SEC16A: variants seen among roughly 807,000 people sequenced by gnomAD.
The protein encoded by SEC16A is SEC16 homolog A, endoplasmic reticulum export factor, also known as protein transport protein Sec16A.
Under a neutral mutation model 221.9 loss-of-function variants are expected in SEC16A, and 110 were observed. The observed-to-expected ratio is 0.50, with a 90% CI of 0.42 to 0.58. SEC16A has a LOEUF of 0.58. Ranked by LOEUF, SEC16A falls within the 20% of genes least tolerant of loss-of-function variation. The pLI, the probability that SEC16A is intolerant of heterozygous loss-of-function variation, is 0.00. For missense variants in SEC16A, 3,165 were observed against 3,097.8 expected (o/e 1.02, Z -0.52); for synonymous variants, 1,393 against 1,257.7 (o/e 1.11, Z -2.28).
chr9:136,451,458 C>G (rs768215569), intron 22 of SEC16A, 50 bp from the exon 23 acceptor site: 1 of 1,531,288 alleles, frequency 6.5e-7, no homozygotes, highest in East Asian at 2.3e-5. Context: ...CTCACAGGAA[C>G]CGAAAGAGAG....
intron 13 of SEC16A, among the ~76,000 whole-genome samples, chr9:136,460,448 C>G (rs1839324935): frequency 6.6e-6 from 1 of 151,896 alleles, no homozygotes; most frequent in South Asian, 2.1e-4. Flanking sequence ...GAGCAAGACT[C>G]TGTCTCAAAA....
chr9:136,443,991 AT>A, intron 30 of SEC16A, 91 bp from the exon 31 acceptor site: 1 of 815,828 alleles, frequency 1.2e-6, no homozygotes, highest in Non-Finnish European at 1.9e-6. Context: ...TCTGGGTGGG[AT>A]TTACAGTACT....
rs371425476 is a variant in SEC16A, at chr9:136,476,698, G to A, written c.918C>T (p.Pro306=). Residue 306 remains proline (P), a synonymous_variant, in exon 3 of 32, where the codon CCC becomes CCT. Transcript: ENST00000684901. ...GGCTTGCCCAGTGATTCACAATTCTGGGATTTTGCCTGAATGTACTTTCAG... is the reference window on the plus strand; with the variant it reads ...GGCTTGCCCAGTGATTCACAATTCTAGGATTTTGCCTGAATGTACTTTCAG... ...SDPESTFRQN[P]RIVNHWASPE... 185 of 1,578,842 alleles carry A rather than the reference G, an allele frequency of 1.2e-4. 1 individual carries two copies. In the Middle Eastern group the frequency reaches 2.0e-3, roughly 17 times the overall value.
chr9:136,449,531 A>C (rs530945478), intron 23 of SEC16A, among the ~76,000 whole-genome samples: 1 of 152,262 alleles, frequency 6.6e-6, no homozygotes, highest in Non-Finnish European at 1.5e-5. Context: ...GACAGGCGTG[A>C]GCCGCCGCAC....
chr9:136,442,144 G>C (rs1264015629), intron 31 of SEC16A, among the ~76,000 whole-genome samples: 1 of 152,224 alleles, frequency 6.6e-6, no homozygotes. Context: ...CCAGGGACAA[G>C]TGGTGGCCAG....
In SEC16A at chr9:136,477,234, A is replaced by G. The variant is rs373239822; in HGVS notation, c.382T>C (p.Leu128=). 36 of 1,613,922 alleles carry G rather than the reference A, an allele frequency of 2.2e-5. No homozygotes were observed. Among genetic ancestry groups the G allele is most frequent in the Middle Eastern group, 1.6e-4 (1 of 6,062 alleles). ...RAHASPFSGA[L]TPSAPPGPEM... is the part of the protein sequence containing the mutation. ...GGCCCAGGAGGTGCTGAAGGTGTCA[A>G]TGCACCAGAAAACGGACTGGCATGT... Residue 128 remains leucine, a synonymous_variant, in exon 3 of 32, where the codon TTG becomes CTG. Coordinates refer to ENST00000684901, the MANE Select transcript of SEC16A (RefSeq NM_014866.2).
chr9:136,443,949 CTGTCACTTCAAGT>C, intron 30 of SEC16A, 49 bp from the exon 31 acceptor site: 1 of 1,392,628 alleles, frequency 7.2e-7, no homozygotes, highest in Non-Finnish European at 9.9e-7. Flanking sequence ...TGCACAGCAG[CTGTCACTTCAAGT>C]GCAGATACAG....
chr9:136,457,959 T>A (rs554956472), intron 17 of SEC16A, among the ~76,000 whole-genome samples: 1 of 152,160 alleles, frequency 6.6e-6, no homozygotes, highest in Admixed American at 6.5e-5. Flanking sequence ...AGATACTTCA[T>A]TCTTTTTTAT....
chr9:136,482,006 A>AAAAAG (rs1842436460), intron 1 of SEC16A, among the ~76,000 whole-genome samples: 1 of 152,252 alleles, frequency 6.6e-6, no homozygotes, highest in African/African-American at 2.4e-5. Context: ...AAAAGAAAAA[A>AAAAAG]AAAGTGCCCA....
chr9:136,466,998 C>T lies in SEC16A; in HGVS notation c.3888G>A (p.Glu1296=). 1 of 1,613,918 alleles carries T rather than the reference C, an allele frequency of 6.2e-7. No homozygotes were observed. The highest frequency in any genetic ancestry group is 8.5e-7 in the Non-Finnish European group (1 of 1,179,870). ...TYDRRYWCDA[E]YDAYRREHSA... is the part of the protein sequence containing the mutation. ...AGTGCTCTCTCCTGTATGCGTCATA[C>T]TCTGCATCACACCAATACCTCCGGT... The change falls in exon 6 of 32, where the codon GAG becomes GAA. Residue 1296 remains glutamate (E), a synonymous_variant. Coordinates refer to ENST00000684901, the MANE Select transcript of SEC16A (RefSeq NM_014866.2). This position sits in a 1 kb window ranked among gnomAD's most constrained non-coding sequence, Gnocchi z 5.5.
rs936003087 is a variant in SEC16A, at chr9:136,473,512, G to T, written c.3567+537C>A. Reference sequence around the variant, plus strand: ...ACAGCCGGTCCCCGAGCCGCTGCCCGCACCACCACGTGCTGACAGCAGCTT... The same window carrying T: ...ACAGCCGGTCCCCGAGCCGCTGCCCTCACCACCACGTGCTGACAGCAGCTT... On this transcript the variant is annotated intron_variant, in intron 3 of 31. Transcript: ENST00000684901. 2.0e-5 allele frequency among the ~76,000 whole-genome samples: 3 copies of T among 152,242 alleles called. No homozygotes were observed. In the East Asian group the frequency reaches 5.8e-4, roughly 29 times the overall value.
rs1564506421 is a variant in SEC16A at position 136,466,137 on chromosome 9, C to T, written c.4129-1G>A. On this transcript the variant is annotated splice_acceptor_variant, in intron 7 of 31. Coordinates refer to ENST00000684901, the MANE Select transcript of SEC16A (RefSeq NM_014866.2). LOFTEE classifies it high-confidence loss of function. The surrounding 1 kb of genome is among the most constrained non-coding windows in gnomAD (Gnocchi z 5.5). The stretch of plus-strand genomic sequence containing the variant: ...CATTGTGGCTTCTGTAAATCTGACT[C>T]TTAGAAAACAAAGCAAACGGGCAAA... The T allele has an allele frequency of 6.3e-7, 1 of 1,587,008 alleles. No individual in the cohort carries two copies. Among genetic ancestry groups the T allele is most frequent in the Non-Finnish European group, 8.6e-7 (1 of 1,164,604 alleles).
intron 12 of SEC16A, among the ~76,000 whole-genome samples, chr9:136,462,183 GA>G (rs1415611575): frequency 6.6e-6 from 1 of 152,178 alleles, no homozygotes; most frequent in Non-Finnish European, 1.5e-5. Flanking sequence ...TAAAAGGACA[GA>G]AAACTCTCAG....
upstream of SEC16A, chr9:136,484,521 T>A: frequency 2.4e-6 from 3 of 1,274,478 alleles, no homozygotes; most frequent in African/African-American, 4.6e-5. Context: ...CTGCTGCTCC[T>A]TCCAGAGGGC....
At chr9:136,484,692 C>A (rs752649877), upstream of SEC16A, 2 of 1,366,490 alleles carry the variant, frequency 1.5e-6, no homozygotes, top group Admixed American at 3.8e-5. Flanking sequence ...GGGCCGCAGG[C>A]GGTGCAGGGA....
Position 136,445,657 on chromosome 9 carries a change from G to C in SEC16A, c.6855C>G (p.Ser2285=). 6.4e-7 allele frequency: 1 copy of C among 1,551,090 alleles called. No individual in the cohort carries two copies. The highest frequency in any genetic ancestry group is 1.2e-5 in the South Asian group (1 of 84,022). The change falls in exon 29 of 32, where the codon TCC becomes TCG. Residue 2285 remains serine, a synonymous_variant. Coordinates refer to ENST00000684901, the MANE Select transcript of SEC16A (RefSeq NM_014866.2). ...SELPSSRPEG[S]QGGELSRCSS... ...CGGCACTCCTTACCTCTCCTCCCTG[G>C]GAACCCTCAGGCCTGGAGGAGGGGA...
upstream of SEC16A, chr9:136,483,778 G>C: frequency 1.0e-6 from 1 of 985,488 alleles, no homozygotes. Context: ...GTTGGGCTGG[G>C]AGGCTGGAGG....
chr9:136,483,117 G>A, upstream of SEC16A: 1 of 690,982 alleles, frequency 1.4e-6, no homozygotes, highest in Non-Finnish European at 1.8e-6. Flanking sequence ...CCCTGGCCCC[G>A]CCCCTCGGCT....
At position 136,475,425 on chromosome 9, in the gene SEC16A, G is replaced by C. The variant is rs1295149862; in HGVS notation, c.2191C>G (p.Leu731Val). ...AGGACGTTGCCTCCAAAATCTGGCA[G>C]CTCACTTTGCGCCCACAGAGTCGTT... ...PATTLWAQSELPDFGGNVLLA... is the reference protein window; with the variant it reads ...PATTLWAQSEVPDFGGNVLLA... The change falls in exon 3 of 32, where the codon CTG (leucine) becomes GTG (valine). Residue 731 changes from leucine to valine, a missense_variant. Leu to Val is a conservative substitution (Grantham distance 32, BLOSUM62 1). Around this residue, in one of 3 missense-constraint regions of SEC16A, gnomAD observed 2,030 missense variants for 1,923.1 expected, o/e 1.06. Transcript: ENST00000684901. This position sits in a 1 kb window ranked among gnomAD's most constrained non-coding sequence, Gnocchi z 5.0. The C allele has an allele frequency of 6.2e-7, 1 of 1,610,770 alleles. No homozygotes were observed. Among genetic ancestry groups the C allele is most frequent in the Admixed American group, 1.7e-5 (1 of 59,716 alleles).
Sources: gnomAD v4.1 joint callset for allele counts (sites outside exome capture counted in the v4.1 genomes callset) on GRCh38, gnomAD v4.1.1 for gene constraint, gnomAD v4.1.1 regional missense constraint, Gnocchi (gnomAD v3.1) non-coding constraint, MANE v1.5 for transcripts, NCBI Gene and HGNC (gene_info 2026-07-23, HGNC 2026-07-21) for gene names.